The following ETF1 variants were observed in gnomAD, a reference collection of about 807,000 sequenced individuals.
The protein encoded by ETF1 is eukaryotic translation termination factor 1.
ETF1 carries 4 observed loss-of-function variants against 55.1 expected under a neutral mutation model. The ratio of observed to expected loss-of-function variants is 0.07; its 90% CI spans 0.04 to 0.17. The LOEUF (loss-of-function observed/expected upper bound fraction) is 0.17, where lower values mean the gene tolerates loss of function less well. Ranked by LOEUF, ETF1 falls within the 10% of genes least tolerant of loss-of-function variation. The probability of loss-of-function intolerance (pLI) is 1.00; values close to 1 mark genes in which losing one functional copy is unlikely to be tolerated. For missense variants in ETF1, 142 were observed against 523.6 expected (o/e 0.27, Z 7.11); for synonymous variants, 157 against 182.3 (o/e 0.86, Z 1.12).
rs929062852 is a variant in ETF1 at position 138,536,356 on chromosome 5, A to C, written c.86+6477T>G. 4.1e-4 allele frequency among the ~76,000 whole-genome samples: 62 copies of C among 152,348 alleles called. 1 individual carries two copies. Among genetic ancestry groups the C allele is most frequent in the African/African-American group, 1.4e-3 (60 of 41,588 alleles). ...GCACCTGAAAATGTCAAGTCCTCTG[A>C]ACCTGAAAGGATTGTGAGAAGAGTA... On this transcript the variant is annotated intron_variant, in intron 2 of 10. Coordinates refer to ENST00000360541, the MANE Select transcript of ETF1 (RefSeq NM_004730.4).
At chr5:138,516,426 C>T (rs1156247688) in intron 4 of ETF1, among the ~76,000 whole-genome samples, 1 of 152,104 alleles carries the variant, frequency 6.6e-6, no homozygotes, top group Non-Finnish European at 1.5e-5. Context: ...CACTTGAGGC[C>T]AGGAGTTTGG....
rs1023384925 is a variant in ETF1 at position 138,511,258 on chromosome 5, C to T, written c.863-58G>A. The T allele has an allele frequency of 6.3e-6, 10 of 1,585,276 alleles. No homozygotes were observed. In the African/African-American group the frequency reaches 1.1e-4, roughly 17 times the overall value. Reference sequence around the variant, plus strand: ...TTAAAGTTTCCCTAGTAGATACAAACACACCTATTCGACCTAATGACTAAA... The same window carrying T: ...TTAAAGTTTCCCTAGTAGATACAAATACACCTATTCGACCTAATGACTAAA... On this transcript the variant is annotated intron_variant, in intron 7 of 10. Coordinates refer to ENST00000360541, the MANE Select transcript of ETF1 (RefSeq NM_004730.4).
intron 2 of ETF1, among the ~76,000 whole-genome samples, chr5:138,540,237 G>A (rs925120438): frequency 3.3e-5 from 5 of 152,098 alleles, no homozygotes; most frequent in African/African-American, 1.2e-4. Context: ...GGGGAGGAAA[G>A]GGCTTTTTCA....
intron 10 of ETF1, 42 bp downstream of exon 10, chr5:138,508,627 G>C (rs764603634): frequency 1.9e-6 from 3 of 1,609,558 alleles, no homozygotes; most frequent in Non-Finnish European, 2.5e-6. Flanking sequence ...ACCTTGACCT[G>C]AGACCCTGGT....
At chr5:138,539,648 C>T (rs1027662821) in intron 2 of ETF1, among the ~76,000 whole-genome samples, 5 of 152,188 alleles carry the variant, frequency 3.3e-5, no homozygotes, top group Admixed American at 6.5e-5. Flanking sequence ...GTGTGACACT[C>T]CTTTCAACTC....
chr5:138,541,649 G>T, intron 2 of ETF1: 1 of 1,513,166 alleles, frequency 6.6e-7, no homozygotes, highest in South Asian at 1.2e-5. Context: ...CTGGAAACCA[G>T]AATGTCAAAT....
intron 10 of ETF1, 80 bp from the exon 11 acceptor site, chr5:138,508,467 G>A: frequency 6.3e-7 from 1 of 1,595,374 alleles, no homozygotes; most frequent in African/African-American, 1.3e-5. Context: ...GGGAATAAGG[G>A]AAGCCCTATT....
At position 138,512,259 on chromosome 5, in the gene ETF1, T is replaced by TTTTATATATATATA. The variant is rs1554137514; in HGVS notation, c.732+504_732+505insTATATATATATAAA. ...ATATATATATATATATATATATATATTTTTTTTTTTTTTTAAAGGCAATTT... is the reference window on the plus strand; with the variant it reads ...ATATATATATATATATATATATATATTTTATATATATATATTTTTTTTTTTTTTAAAGGCAATTT... On this transcript the variant is annotated intron_variant, in intron 6 of 10. Transcript: ENST00000360541. Among the ~76,000 whole-genome samples, 56 of 15,778 alleles carry TTTTATATATATATA rather than the reference T, an allele frequency of 3.5e-3. 1 individual carries two copies. Among genetic ancestry groups the TTTTATATATATATA allele is most frequent in the African/African-American group, 0.015 (50 of 3,430 alleles). The allele number at this position is 15,778 out of a possible 152,430, so 10.4% of individuals were successfully genotyped here.
intron 2 of ETF1, among the ~76,000 whole-genome samples, chr5:138,532,377 A>T (rs915928521): frequency 1.3e-5 from 2 of 152,196 alleles, no homozygotes; most frequent in Non-Finnish European, 2.9e-5. Context: ...AACCACACAA[A>T]TCCCTGTGGG....
chr5:138,525,281 C>T (rs1765419983), intron 2 of ETF1, among the ~76,000 whole-genome samples: 5 of 152,004 alleles, frequency 3.3e-5, no homozygotes, highest in Non-Finnish European at 1.5e-5. Context: ...CCTCAGCCTC[C>T]CAAGTAGCTG....
At chr5:138,538,660 G>A (rs946465475) in intron 2 of ETF1, among the ~76,000 whole-genome samples, 16 of 151,074 alleles carry the variant, frequency 1.1e-4, no homozygotes, top group African/African-American at 3.2e-4. Context: ...GCCCTTCAAC[G>A]ATAGTGAGGG....
At chr5:138,523,937 G>A (rs1000035316) in intron 2 of ETF1, among the ~76,000 whole-genome samples, 2 of 152,136 alleles carry the variant, frequency 1.3e-5, no homozygotes, top group Non-Finnish European at 2.9e-5. Context: ...AGCACTCTGG[G>A]AGGCCGAGGC....
intron 2 of ETF1, chr5:138,529,806 G>A: frequency 1.5e-6 from 1 of 668,182 alleles, no homozygotes; most frequent in Non-Finnish European, 1.8e-6. Context: ...AGACTGGAGT[G>A]CAGTGGCACA....
intron 2 of ETF1, among the ~76,000 whole-genome samples, chr5:138,530,822 C>T (rs796517912): frequency 7.9e-5 from 12 of 152,332 alleles, no homozygotes; most frequent in African/African-American, 2.4e-4. Context: ...GCCTTGGCCT[C>T]CCAAAGAATT....
At chr5:138,512,237 TA>T (rs1764828070) in intron 6 of ETF1, among the ~76,000 whole-genome samples, 1 of 5,740 alleles carries the variant, frequency 1.7e-4, no homozygotes, top group African/African-American at 4.4e-4. Context: ...TATATATATA[TA>T]TATATATATA....
At chr5:138,530,872 CG>C (rs1194842375) in intron 2 of ETF1, among the ~76,000 whole-genome samples, 1 of 152,180 alleles carries the variant, frequency 6.6e-6, no homozygotes, top group Non-Finnish European at 1.5e-5. Context: ...GCCTCAAATA[CG>C]CAAGATTCTA....
chr5:138,510,357 C>CAAAAAAAAAAAAAAAAAAAAAAA (rs57906231), intron 9 of ETF1, among the ~76,000 whole-genome samples: 3 of 64,782 alleles, frequency 4.6e-5, no homozygotes, highest in African/African-American at 1.8e-4. Flanking sequence ...GACCTTGTCT[C>CAAAAAAAAAAAAAAAAAAAAAAA]AAAAAAAAAA....
rs559316243 is a variant in ETF1 at position 138,509,455 on chromosome 5, AAAAC to A, written c.1084-643_1084-640del. On this transcript the variant is annotated intron_variant, in intron 9 of 10. Transcript: ENST00000360541. ...GCTTAACTACTTAAAAACAAAGACA[AAAAC>A]AAACAAACAAACAAAAACCAGGCCA... 1.5e-4 allele frequency among the ~76,000 whole-genome samples: 23 copies of A among 152,296 alleles called. No individual in the cohort carries two copies. In the East Asian group the frequency reaches 1.9e-3, roughly 13 times the overall value.
In ETF1 at chr5:138,543,214, T is replaced by C. The variant is rs1402877239; in HGVS notation, c.-136A>G. ...CTCCAGGCAGCTGCATGTGTTGCAATCCGCTCACATGGGGCCTGTGACATC... is the reference window on the plus strand; with the variant it reads ...CTCCAGGCAGCTGCATGTGTTGCAACCCGCTCACATGGGGCCTGTGACATC... On this transcript the variant is annotated 5_prime_UTR_variant, in exon 1 of 11. Transcript: ENST00000360541. 1.9e-6 allele frequency: 1 copy of C among 518,514 alleles called. No individual in the cohort carries two copies. The highest frequency in any genetic ancestry group is 2.8e-5 in the South Asian group (1 of 36,284). 32.1% of individuals were successfully genotyped at this position (518,514 alleles called of 1,614,324 possible). A position where few individuals can be genotyped will look rare whatever the true frequency, so the allele number is the denominator to read the frequency against.
Sources: gnomAD v4.1 joint callset for allele counts (sites outside exome capture counted in the v4.1 genomes callset) on GRCh38, gnomAD v4.1.1 for gene constraint, MANE v1.5 for transcripts, NCBI Gene and HGNC (gene_info 2026-07-23, HGNC 2026-07-21) for gene names.